The following EPHX1 variants were observed in gnomAD, a reference collection of about 807,000 sequenced individuals.
EPHX1 encodes epoxide hydratase.
In EPHX1, 40 loss-of-function variants were observed where a neutral mutation model predicts 43.2. The ratio of observed to expected loss-of-function variants is 0.93; its 90% CI spans 0.72 to 1.21. The LOEUF is 1.21. Ranked by LOEUF, EPHX1 falls within the 50% of genes most tolerant of loss-of-function variation. The pLI is 0.00. For synonymous variants in EPHX1, 221 were observed against 226.7 expected, an observed-to-expected ratio of 0.98 and a Z score of 0.22; for missense variants, 550 against 570.4, an observed-to-expected ratio of 0.96 and a Z score of 0.36.
At chr1:225,837,428 A>C (rs943656310) in intron 3 of EPHX1, among the ~76,000 whole-genome samples, 2 of 152,222 alleles carry the variant, frequency 1.3e-5, no homozygotes, top group Admixed American at 1.3e-4. Flanking sequence ...AGAGGCCCCA[A>C]GTCAGTCCAG....
chr1:225,823,199 AC>A (rs1278982967), intron 1 of EPHX1, among the ~76,000 whole-genome samples: 2 of 30,744 alleles, frequency 6.5e-5, no homozygotes, highest in Non-Finnish European at 1.1e-4. Flanking sequence ...CCCCTTTATT[AC>A]TTTTTTTTTT....
chr1:225,812,402 G>A (rs1182251598), intron 1 of EPHX1, among the ~76,000 whole-genome samples: 2 of 152,210 alleles, frequency 1.3e-5, no homozygotes, highest in Non-Finnish European at 2.9e-5. Context: ...ACGCGGCTGG[G>A]AACATCTTCA....
At position 225,817,875 on chromosome 1, in the gene EPHX1, C is replaced by CGATTTTA. The variant is rs1215372634; in HGVS notation, c.-6+7708_-6+7714dup. The stretch of plus-strand genomic sequence containing the variant: ...GTCATGGCCGGCTAGCACTTTACTG[C>CGATTTTA]GATTTTAGGAGCACTTTCTTGTGGT... On this transcript the variant is annotated intron_variant, in intron 1 of 8. Transcript: ENST00000272167. This position sits in a 1 kb window ranked among gnomAD's most constrained non-coding sequence, Gnocchi z 5.7. Among the ~76,000 whole-genome samples, 1 of 152,222 alleles carries CGATTTTA rather than the reference C, an allele frequency of 6.6e-6. No homozygotes were observed. The highest frequency in any genetic ancestry group is 1.5e-5 in the Non-Finnish European group (1 of 68,044).
intron 6 of EPHX1, chr1:225,840,963 C>G (rs909686281): frequency 6.6e-6 from 1 of 152,152 alleles, no homozygotes; most frequent in Non-Finnish European, 1.5e-5. Flanking sequence ...CTTAAAAATG[C>G]AAAAAGTACA....
intron 7 of EPHX1, 127 bp downstream of exon 7, chr1:225,842,601 C>A: frequency 1.3e-6 from 1 of 789,832 alleles, no homozygotes; most frequent in Non-Finnish European, 2.2e-6. Flanking sequence ...GGCTTTCTTA[C>A]AAATCCTCAC....
In EPHX1 at chr1:225,845,364, C is replaced by A. The variant is rs374252395; in HGVS notation, c.*17C>A. 1.3e-6 allele frequency: 2 copies of A among 1,563,918 alleles called. No individual in the cohort carries two copies. Among genetic ancestry groups the A allele is most frequent in the South Asian group, 2.3e-5 (2 of 86,106 alleles). On this transcript the variant is annotated 3_prime_UTR_variant, in exon 9 of 9. Transcript: ENST00000272167. The stretch of plus-strand genomic sequence containing the variant: ...CGGCAATGACCCACCCCTCTCCCCC[C>A]GCCTGCCACCTCCCCCCACAAGTGC...
chr1:225,819,556 T>C (rs1329750312), intron 1 of EPHX1, among the ~76,000 whole-genome samples: 1 of 152,076 alleles, frequency 6.6e-6, no homozygotes, highest in African/African-American at 2.4e-5. Flanking sequence ...GAGATGTACT[T>C]TGGAAGTTCA....
chr1:225,843,196 T>G (rs1425288310), intron 7 of EPHX1, among the ~76,000 whole-genome samples: 1 of 141,258 alleles, frequency 7.1e-6, no homozygotes, highest in East Asian at 2.1e-4. Context: ...ACTGTGAGAG[T>G]CCAGTGGAAG....
At chr1:225,831,072 A>G (rs902314363) in intron 2 of EPHX1, among the ~76,000 whole-genome samples, 10 of 152,162 alleles carry the variant, frequency 6.6e-5, no homozygotes. Flanking sequence ...TTATTGGAAC[A>G]CAGCCACCCC....
chr1:225,829,534 G>T (rs1667459613), intron 2 of EPHX1, among the ~76,000 whole-genome samples: 1 of 152,086 alleles, frequency 6.6e-6, no homozygotes. Flanking sequence ...TCAGGAAGGA[G>T]GTGACTGGGC....
chr1:225,822,236 T>G (rs1559017320), intron 1 of EPHX1, among the ~76,000 whole-genome samples: 8 of 152,046 alleles, frequency 5.3e-5, no homozygotes, highest in Non-Finnish European at 1.2e-4. Flanking sequence ...GTCACGTTTT[T>G]AAAAAAAATC....
chr1:225,826,199 C>G (rs1006897052), intron 1 of EPHX1, among the ~76,000 whole-genome samples: 1 of 151,996 alleles, frequency 6.6e-6, no homozygotes, highest in Non-Finnish European at 1.5e-5. Flanking sequence ...CACAGCAGCT[C>G]GTGCCTCTAA....
At chr1:225,814,888 A>C (rs1666647314) in intron 1 of EPHX1, among the ~76,000 whole-genome samples, 1 of 152,270 alleles carries the variant, frequency 6.6e-6, no homozygotes, top group African/African-American at 2.4e-5. Context: ...TTAGGAAAGT[A>C]AGAGAAATAC....
intron 1 of EPHX1, among the ~76,000 whole-genome samples, chr1:225,819,785 C>T (rs1006112634): frequency 6.6e-6 from 1 of 152,132 alleles, no homozygotes; most frequent in African/African-American, 2.4e-5. Context: ...CCAGGTGGCT[C>T]TGCTCTAATA....
intron 5 of EPHX1, 83 bp downstream of exon 5, chr1:225,839,429 G>C (rs1306505311): frequency 5.0e-6 from 8 of 1,587,630 alleles, no homozygotes; most frequent in Non-Finnish European, 6.8e-6. Context: ...CTGTGTGCAG[G>C]GTGGGCCAAG....
intron 5 of EPHX1, 79 bp downstream of exon 5, chr1:225,839,425 G>A: frequency 1.3e-6 from 2 of 1,591,606 alleles, no homozygotes; most frequent in Non-Finnish European, 1.7e-6. Context: ...GGACCTGTGT[G>A]CAGGGTGGGC....
At chr1:225,833,792 C>T (rs1278900337) in intron 3 of EPHX1, among the ~76,000 whole-genome samples, 3 of 106,236 alleles carry the variant, frequency 2.8e-5, no homozygotes, top group Non-Finnish European at 5.8e-5. Context: ...GAGACTCTGT[C>T]TTTAAAAAAA....
chr1:225,836,936 G>A lies in EPHX1; in HGVS notation c.365-1718G>A, dbSNP rs553203114. On this transcript the variant is annotated intron_variant, in intron 3 of 8. Transcript: ENST00000272167. ...GGTAGGACCCATATTAAGTGTTCTC[G>A]CCATATAATAAAAAGTGTAAACACT... Among the ~76,000 whole-genome samples, 6 of 152,296 alleles carry A rather than the reference G, an allele frequency of 3.9e-5. No individual in the cohort carries two copies. The East Asian group carries it at 7.7e-4, about 20-fold the overall frequency.
chr1:225,839,344 C>T lies in EPHX1; in HGVS notation c.720C>T (p.Pro240=). Residue 240 remains proline, a splice_region_variant and synonymous_variant, in exon 5 of 9, where the codon CCC becomes CCT. Coordinates refer to ENST00000272167, the MANE Select transcript of EPHX1 (RefSeq NM_001136018.4). ...LICTNMAQLV[P]SHVKGLHLNM... Reference sequence around the variant, plus strand: ...GCACTAATATGGCCCAGCTGGTGCCCAGGTGAGGTCACTGTTGGGGTGGTG... The same window carrying T: ...GCACTAATATGGCCCAGCTGGTGCCTAGGTGAGGTCACTGTTGGGGTGGTG... 1.9e-6 allele frequency: 3 copies of T among 1,612,410 alleles called. No homozygotes were observed. Among genetic ancestry groups the T allele is most frequent in the Non-Finnish European group, 1.7e-6 (2 of 1,179,812 alleles).
Sources: gnomAD v4.1 joint callset for allele counts (sites outside exome capture counted in the v4.1 genomes callset) on GRCh38, gnomAD v4.1.1 for gene constraint, Gnocchi (gnomAD v3.1) non-coding constraint, MANE v1.5 for transcripts, NCBI Gene and HGNC (gene_info 2026-07-23, HGNC 2026-07-21) for gene names.